RHPN2: variants seen among roughly 807,000 people sequenced by gnomAD.
RHPN2 encodes the protein rhophilin-2.
Under a neutral mutation model 79.0 loss-of-function variants are expected in RHPN2, and 40 were observed. That is an observed-to-expected ratio of 0.51 (90% CI 0.39 to 0.66). The LOEUF is 0.66. RHPN2 is among the 30% of genes least tolerant of loss of function. The probability of loss-of-function intolerance (pLI) is 0.00; values close to 1 mark genes in which losing one functional copy is unlikely to be tolerated. For missense variants in RHPN2, 686 were observed against 883.5 expected (o/e 0.78, Z 2.83); for synonymous variants, 285 against 363.5 (o/e 0.78, Z 2.46).
chr19:33,029,338 G>C (rs1311856030), intron 2 of RHPN2, among the ~76,000 whole-genome samples: 1 of 151,484 alleles, frequency 6.6e-6, no homozygotes, highest in East Asian at 1.9e-4. Flanking sequence ...CATCCTGGCT[G>C]ACATAGTGAA....
intron 1 of RHPN2, among the ~76,000 whole-genome samples, chr19:33,061,931 C>G (rs1972283667): frequency 6.6e-6 from 1 of 151,972 alleles, no homozygotes; most frequent in Non-Finnish European, 1.5e-5. Flanking sequence ...GCCTCCCAAA[C>G]TACTGGGATT....
At position 32,983,162 on chromosome 19, in the gene RHPN2, A is replaced by C. The variant is rs1324444852; in HGVS notation, c.1801-2906T>G. ...TGGCCCAGATCTCTACACACACACA[A>C]ACACACACACACACACACACACACA... is the stretch of plus-strand genomic sequence containing the variant. On this transcript the variant is annotated intron_variant, in intron 14 of 14. Transcript: ENST00000254260. 1.2e-3 allele frequency among the ~76,000 whole-genome samples: 160 copies of C among 130,952 alleles called. 1 individual carries two copies. Among genetic ancestry groups the C allele is most frequent in the African/African-American group, 3.2e-3 (113 of 35,544 alleles). 85.9% of individuals were successfully genotyped at this position (130,952 alleles called of 152,430 possible).
chr19:33,040,260 G>A (rs1010355251), intron 2 of RHPN2, among the ~76,000 whole-genome samples: 2 of 133,980 alleles, frequency 1.5e-5, no homozygotes, highest in South Asian at 2.3e-4. Flanking sequence ...TTTTTGAGAC[G>A]GAGTCTTGCT....
At chr19:32,988,238 C>T (rs1971627499) in intron 14 of RHPN2, among the ~76,000 whole-genome samples, 2 of 151,282 alleles carry the variant, frequency 1.3e-5, no homozygotes, top group South Asian at 2.1e-4. Context: ...ACAAACAAAA[C>T]AACAACAACA....
chr19:32,986,663 G>A (rs562779471), intron 14 of RHPN2, among the ~76,000 whole-genome samples: 9 of 151,768 alleles, frequency 5.9e-5, no homozygotes, highest in African/African-American at 1.9e-4. Context: ...GCATAGTGGT[G>A]CCCACCTATA....
chr19:33,047,621 T>C (rs1239601244), intron 1 of RHPN2, among the ~76,000 whole-genome samples: 1 of 152,174 alleles, frequency 6.6e-6, no homozygotes, highest in East Asian at 1.9e-4. Flanking sequence ...ATCTCAGGCC[T>C]GCACACACCT....
intron 1 of RHPN2, 29 bp downstream of exon 1, chr19:33,064,755 T>TGGGCGC: frequency 7.0e-7 from 1 of 1,427,944 alleles, no homozygotes; most frequent in Non-Finnish European, 9.4e-7. Flanking sequence ...AGCCCGCAGG[T>TGGGCGC]CCCCGCCCGC....
chr19:33,001,047 T>C (rs1568312636), intron 9 of RHPN2, among the ~76,000 whole-genome samples: 1 of 152,188 alleles, frequency 6.6e-6, no homozygotes, highest in Admixed American at 6.5e-5. Flanking sequence ...TTCGTTTTCA[T>C]GACAGCCTGT....
intron 7 of RHPN2, among the ~76,000 whole-genome samples, chr19:33,006,118 A>C (rs1971789035): frequency 6.6e-6 from 1 of 152,008 alleles, no homozygotes; most frequent in South Asian, 2.1e-4. Context: ...GGGCTCCAGC[A>C]ATCCACCCAC....
intron 1 of RHPN2, among the ~76,000 whole-genome samples, chr19:33,056,529 C>T (rs2145272394): frequency 6.6e-6 from 1 of 152,228 alleles, no homozygotes; most frequent in Admixed American, 6.6e-5. Flanking sequence ...TAGAAAATTA[C>T]ATTACTCTGC....
chr19:32,995,420 G>A (rs1423970752), intron 11 of RHPN2, among the ~76,000 whole-genome samples: 1 of 151,990 alleles, frequency 6.6e-6, no homozygotes, highest in Non-Finnish European at 1.5e-5. Flanking sequence ...GTGAAAAGGA[G>A]GTTTGGCAAA....
chr19:33,015,361 G>A (rs1425426969), intron 4 of RHPN2, among the ~76,000 whole-genome samples: 7 of 151,848 alleles, frequency 4.6e-5, no homozygotes, highest in African/African-American at 1.7e-4. Flanking sequence ...GGAGGCAGAG[G>A]TTGCAGTGAG....
chr19:33,064,707 C>A, intron 1 of RHPN2, 77 bp downstream of exon 1: 1 of 1,454,258 alleles, frequency 6.9e-7, no homozygotes, highest in Non-Finnish European at 9.2e-7. Flanking sequence ...CTGCGCGCTC[C>A]CACGGCCCCT....
chr19:32,994,836 G>A (rs4805841), intron 11 of RHPN2, among the ~76,000 whole-genome samples: 29 of 148,110 alleles, frequency 2.0e-4, no homozygotes, highest in Admixed American at 3.4e-4. Flanking sequence ...GGTGGCATGC[G>A]CCTATAGTCC....
chr19:33,044,680 G>C (rs112459848), intron 1 of RHPN2, among the ~76,000 whole-genome samples: 3,439 of 152,250 alleles, frequency 0.023, 124 homozygotes, highest in African/African-American at 0.079. Flanking sequence ...ATCACCTGAA[G>C]TCAGGAGTTC....
intron 7 of RHPN2, among the ~76,000 whole-genome samples, chr19:33,006,609 G>A (rs1399823218): frequency 1.3e-5 from 2 of 152,196 alleles, no homozygotes; most frequent in Non-Finnish European, 2.9e-5. Flanking sequence ...AACACACTGT[G>A]GTCTACACTG....
intron 1 of RHPN2, among the ~76,000 whole-genome samples, chr19:33,062,343 T>G (rs988217660): frequency 6.6e-6 from 1 of 151,824 alleles, no homozygotes; most frequent in Non-Finnish European, 1.5e-5. Context: ...GCGCCTGTAG[T>G]CTCAGCTACT....
At position 33,061,427 on chromosome 19, in the gene RHPN2, G is replaced by A. The variant is rs1287822655; in HGVS notation, c.69+3357C>T. Among the ~76,000 whole-genome samples the A allele has an allele frequency of 6.6e-5, 10 of 150,744 alleles. No homozygotes were observed. In the East Asian group the frequency reaches 1.6e-3, roughly 24 times the overall value. On this transcript the variant is annotated intron_variant, in intron 1 of 14. Transcript: ENST00000254260. Reference sequence around the variant, plus strand: ...TCACTGTGTTAGCCAGGAAGGTCTCGATCTCCTGACCTCGTGATCCACTAG... The same window carrying A: ...TCACTGTGTTAGCCAGGAAGGTCTCAATCTCCTGACCTCGTGATCCACTAG...
At chr19:33,055,820 A>G (rs2036605800) in intron 1 of RHPN2, among the ~76,000 whole-genome samples, 1 of 151,902 alleles carries the variant, frequency 6.6e-6, no homozygotes, top group Non-Finnish European at 1.5e-5. Flanking sequence ...CAGGGACCAT[A>G]AACCAGGACA....
Sources: gnomAD v4.1 joint callset for allele counts (sites outside exome capture counted in the v4.1 genomes callset) on GRCh38, gnomAD v4.1.1 for gene constraint, MANE v1.5 for transcripts, NCBI Gene and HGNC (gene_info 2026-07-23, HGNC 2026-07-21) for gene names.